The following SCAPER variants were observed in gnomAD, a reference collection of about 807,000 sequenced individuals.
SCAPER encodes the protein S phase cyclin A-associated protein in the endoplasmic reticulum.
Under a neutral mutation model 182.2 loss-of-function variants are expected in SCAPER, and 98 were observed. The ratio of observed to expected loss-of-function variants is 0.54; its 90% confidence interval spans 0.46 to 0.64. The LOEUF (loss-of-function observed/expected upper bound fraction) is 0.64. Ranked by LOEUF, SCAPER falls within the 30% of genes least tolerant of loss-of-function variation. The probability of loss-of-function intolerance (pLI) is 0.00; values close to 1 mark genes in which losing one functional copy is unlikely to be tolerated. For synonymous variants in SCAPER, 605 were observed against 564.6 expected (o/e 1.07, Z -1.01); for missense variants, 1,432 against 1,690.0 (o/e 0.85, Z 2.68).
At chr15:76,814,147 G>A (rs934534571) in intron 5 of SCAPER, among the ~76,000 whole-genome samples, 14 of 151,872 alleles carry the variant, frequency 9.2e-5, no homozygotes, top group East Asian at 3.9e-4. Flanking sequence ...CAGCCTGGGC[G>A]TCAAAGCGAG....
At chr15:76,521,631 G>A (rs1400181832) in intron 23 of SCAPER, among the ~76,000 whole-genome samples, 1 of 152,018 alleles carries the variant, frequency 6.6e-6, no homozygotes, top group African/African-American at 2.4e-5. Flanking sequence ...CGTATACAAA[G>A]CTGTTAACAA....
At chr15:76,901,657 A>G (rs1475103778) in intron 1 of SCAPER, among the ~76,000 whole-genome samples, 1 of 152,220 alleles carries the variant, frequency 6.6e-6, no homozygotes, top group Non-Finnish European at 1.5e-5. Flanking sequence ...TTTTAGCAAA[A>G]CTTTATGAAA....
At chr15:76,373,164 C>T (rs568725056) in intron 29 of SCAPER, among the ~76,000 whole-genome samples, 1 of 151,934 alleles carries the variant, frequency 6.6e-6, no homozygotes, top group African/African-American at 2.4e-5. Flanking sequence ...TCTCCTGTCT[C>T]AGCCTCCTGA....
At chr15:76,495,387 G>C (rs2040392398) in intron 24 of SCAPER, among the ~76,000 whole-genome samples, 1 of 151,912 alleles carries the variant, frequency 6.6e-6, no homozygotes, top group Non-Finnish European at 1.5e-5. Flanking sequence ...AAACCAGCCT[G>C]GCCAACCTGG....
At chr15:76,553,042 T>C (rs922561800) in intron 23 of SCAPER, among the ~76,000 whole-genome samples, 4 of 152,108 alleles carry the variant, frequency 2.6e-5, no homozygotes, top group Non-Finnish European at 4.4e-5. Flanking sequence ...CTCTCTCCCA[T>C]TGAAACTTTC....
intron 17 of SCAPER, among the ~76,000 whole-genome samples, chr15:76,708,072 C>A (rs546712596): frequency 1.4e-4 from 21 of 152,168 alleles, no homozygotes; most frequent in Admixed American, 1.2e-3. Flanking sequence ...GACACCCCCC[C>A]ACCATACCAA....
At position 76,767,049 on chromosome 15, in the gene SCAPER, C is replaced by A. The variant is rs768779678; in HGVS notation, c.1288G>T (p.Asp430Tyr). 5.6e-6 allele frequency: 9 copies of A among 1,600,038 alleles called. No individual in the cohort carries two copies. In the South Asian group the frequency reaches 1.0e-4, roughly 18 times the overall value. Residue 430 changes from aspartate to tyrosine, a missense_variant, in exon 11 of 32, where the codon GAT (aspartate) becomes TAT (tyrosine). Asp to Tyr is a radical substitution (Grantham distance 160). This residue lies in a region of SCAPER where 18 missense variants were observed against 46.0 expected (regional missense o/e 0.39). Coordinates refer to ENST00000563290, the MANE Select transcript of SCAPER (RefSeq NM_020843.4). Reference protein sequence around the residue: ...EVLAKKEELADRLEKANEEAI... With the variant: ...EVLAKKEELAYRLEKANEEAI... Reference sequence around the variant, plus strand: ...TCTTCATTGGCCTTTTCTAGACGATCTGCTAGCTCTTCTTTTTTAGCAAGG... The same window carrying A: ...TCTTCATTGGCCTTTTCTAGACGATATGCTAGCTCTTCTTTTTTAGCAAGG...
chr15:76,411,809 C>T (rs1420155306), intron 26 of SCAPER, among the ~76,000 whole-genome samples: 4 of 152,004 alleles, frequency 2.6e-5, no homozygotes, highest in African/African-American at 7.2e-5. Flanking sequence ...TTATTTTAGC[C>T]GTTTTATTGG....
chr15:76,536,189 T>G (rs2044143360), intron 23 of SCAPER, among the ~76,000 whole-genome samples: 1 of 152,182 alleles, frequency 6.6e-6, no homozygotes, highest in Non-Finnish European at 1.5e-5. Flanking sequence ...ACTTATAATG[T>G]CCAATAAAAA....
intron 29 of SCAPER, among the ~76,000 whole-genome samples, chr15:76,375,456 G>C (rs575389089): frequency 6.6e-6 from 1 of 151,900 alleles, no homozygotes; most frequent in Non-Finnish European, 1.5e-5. Context: ...TAGAGCACCA[G>C]ACTCTAATAC....
At chr15:76,647,691 C>A (rs1479488024) in intron 21 of SCAPER, among the ~76,000 whole-genome samples, 1 of 152,080 alleles carries the variant, frequency 6.6e-6, no homozygotes, top group Non-Finnish European at 1.5e-5. Context: ...GCAAGAATCT[C>A]CAAAACTGGG....
chr15:76,424,505 T>C (rs577707030), intron 26 of SCAPER, among the ~76,000 whole-genome samples: 1 of 152,356 alleles, frequency 6.6e-6, no homozygotes, highest in East Asian at 1.9e-4. Flanking sequence ...TTTGAGCCTA[T>C]GTGTGTCTCT....
At chr15:76,645,849 G>A (rs1029395326) in intron 21 of SCAPER, among the ~76,000 whole-genome samples, 1 of 151,958 alleles carries the variant, frequency 6.6e-6, no homozygotes, top group East Asian at 1.9e-4. Flanking sequence ...AAAAACACAC[G>A]AATGGGTGTT....
chr15:76,802,783 G>C (rs2065889725), intron 6 of SCAPER, among the ~76,000 whole-genome samples: 1 of 152,146 alleles, frequency 6.6e-6, no homozygotes, highest in African/African-American at 2.4e-5. Flanking sequence ...AAAGAGGCAG[G>C]ATAGGCCTAT....
chr15:76,435,773 A>G (rs1234257050), intron 25 of SCAPER, among the ~76,000 whole-genome samples: 2 of 152,218 alleles, frequency 1.3e-5, no homozygotes, highest in Non-Finnish European at 2.9e-5. Flanking sequence ...GTTGGAACCC[A>G]TATCCTTTAA....
chr15:76,540,845 G>A (rs1475451472), intron 23 of SCAPER, among the ~76,000 whole-genome samples: 3 of 152,066 alleles, frequency 2.0e-5, no homozygotes, highest in Non-Finnish European at 4.4e-5. Flanking sequence ...GTTTGTGGCT[G>A]GGTGCAGTGG....
At chr15:76,360,087 C>T (rs2041293357) in intron 29 of SCAPER, among the ~76,000 whole-genome samples, 2 of 152,200 alleles carry the variant, frequency 1.3e-5, no homozygotes, top group Non-Finnish European at 2.9e-5. Context: ...TTACAATCCT[C>T]AGGATCCTGG....
intron 24 of SCAPER, among the ~76,000 whole-genome samples, chr15:76,481,910 C>A (rs1054797358): frequency 6.6e-6 from 1 of 152,180 alleles, no homozygotes; most frequent in African/African-American, 2.4e-5. Context: ...AATTTTGCTG[C>A]CTGCATATAC....
intron 24 of SCAPER, among the ~76,000 whole-genome samples, chr15:76,503,370 G>A (rs8024696): frequency 3.5e-4 from 53 of 152,226 alleles, no homozygotes; most frequent in African/African-American, 1.2e-3. Context: ...CTGATGGGGA[G>A]CTTTCTGCTC....
Sources: allele counts gnomAD v4.1 joint callset (sites outside exome capture counted in the v4.1 genomes callset), GRCh38; gene constraint gnomAD v4.1.1; regional missense constraint gnomAD v4.1.1; transcripts MANE v1.5; gene names NCBI Gene and HGNC (gene_info 2026-07-23, HGNC 2026-07-21).